The following HDGFL3 variants were observed in gnomAD, a reference collection of about 807,000 sequenced individuals.
The protein encoded by HDGFL3 is HDGF like 3.
A neutral mutation model predicts 27.6 loss-of-function variants in HDGFL3; 6 were observed. That is an observed-to-expected ratio of 0.22 (90% CI 0.12 to 0.43). The LOEUF (loss-of-function observed/expected upper bound fraction) is 0.43. HDGFL3 is among the 20% of genes least tolerant of loss of function. The probability of loss-of-function intolerance (pLI) is 1.00; values close to 1 mark genes in which losing one functional copy is unlikely to be tolerated. For synonymous variants in HDGFL3, 88 were observed against 88.9 expected (o/e 0.99, Z 0.05); for missense variants, 207 against 250.1 (o/e 0.83, Z 1.16).
chr15:83,161,823 T>A (rs1006283855), intron 2 of HDGFL3, among the ~76,000 whole-genome samples: 2 of 152,210 alleles, frequency 1.3e-5, no homozygotes, highest in African/African-American at 4.8e-5. Flanking sequence ...TGTTTTAAAA[T>A]TTTTTAAGCA....
chr15:83,120,291 C>A (rs932327306), intron 3 of HDGFL3, among the ~76,000 whole-genome samples: 1 of 152,216 alleles, frequency 6.6e-6, no homozygotes, highest in Admixed American at 6.5e-5. Context: ...ACCCCAACCA[C>A]AGGAGCTTCT....
intron 1 of HDGFL3, among the ~76,000 whole-genome samples, chr15:83,184,066 T>G (rs1389835704): frequency 6.6e-6 from 1 of 152,190 alleles, no homozygotes; most frequent in Non-Finnish European, 1.5e-5. Context: ...AAAGCTAAAT[T>G]CAGATACATG....
chr15:83,139,873 A>G (rs944410128), intron 5 of HDGFL3, among the ~76,000 whole-genome samples: 2 of 152,218 alleles, frequency 1.3e-5, no homozygotes, highest in African/African-American at 2.4e-5. Flanking sequence ...AACAGAAAAT[A>G]AAACATTTGT....
At chr15:83,187,340 T>TG (rs1555455528) in intron 1 of HDGFL3, among the ~76,000 whole-genome samples, 8 of 151,528 alleles carry the variant, frequency 5.3e-5, no homozygotes, top group Admixed American at 3.3e-4. Flanking sequence ...AGTTTTTTTT[T>TG]TGTGTGTGTG....
chr15:83,126,306 C>T (rs1440373130), downstream of HDGFL3, among the ~76,000 whole-genome samples: 1 of 152,144 alleles, frequency 6.6e-6, no homozygotes, highest in African/African-American at 2.4e-5. Context: ...TCTTTTACTG[C>T]CTCCAAAGGC....
intron 5 of HDGFL3, among the ~76,000 whole-genome samples, chr15:83,150,935 A>G (rs558962946): frequency 6.6e-6 from 1 of 152,340 alleles, no homozygotes; most frequent in Non-Finnish European, 1.5e-5. Flanking sequence ...TAATTTCAGT[A>G]TTTCACATTG....
At chr15:83,171,655 C>T (rs2037247672) in intron 1 of HDGFL3, among the ~76,000 whole-genome samples, 1 of 151,984 alleles carries the variant, frequency 6.6e-6, no homozygotes, top group South Asian at 2.1e-4. Context: ...AACAAAATAC[C>T]GCATGTTCTT....
intron 1 of HDGFL3, among the ~76,000 whole-genome samples, chr15:83,165,794 C>CAAAAAAA (rs57873221): frequency 0.01 from 145 of 13,814 alleles, no homozygotes; most frequent in Non-Finnish European, 0.018. Flanking sequence ...GAATCCATCT[C>CAAAAAAA]AAAAAAAAAA....
chr15:83,197,329 A>T (rs2037583284), intron 1 of HDGFL3, among the ~76,000 whole-genome samples: 2 of 152,214 alleles, frequency 1.3e-5, no homozygotes, highest in African/African-American at 4.8e-5. Flanking sequence ...TACATATTTT[A>T]TGTGAGTCAG....
At position 83,136,683 on chromosome 15, in the gene HDGFL3, T is replaced by C; in HGVS notation, c.*2587A>G. On this transcript the variant is annotated 3_prime_UTR_variant, in exon 6 of 6. Coordinates refer to ENST00000299633, the MANE Select transcript of HDGFL3 (RefSeq NM_016073.4). Reference sequence around the variant, plus strand: ...GAAAAAGTGGAATAAAAATATTACTTCATGTTCCTCCTTTCTAAATTACTA... The same window carrying C: ...GAAAAAGTGGAATAAAAATATTACTCCATGTTCCTCCTTTCTAAATTACTA... 1 of 1,583,692 alleles carries C rather than the reference T, an allele frequency of 6.3e-7. No individual in the cohort carries two copies. The highest frequency in any genetic ancestry group is 8.6e-7 in the Non-Finnish European group (1 of 1,168,744).
intron 2 of HDGFL3, among the ~76,000 whole-genome samples, chr15:83,158,448 T>TA (rs2037059516): frequency 6.6e-6 from 1 of 152,010 alleles, no homozygotes; most frequent in Admixed American, 6.5e-5. Flanking sequence ...AATGCTAGAA[T>TA]AAAAAAAAGA....
chr15:83,124,728 G>T (rs762870264), downstream of HDGFL3: 3 of 1,613,934 alleles, frequency 1.9e-6, no homozygotes, highest in African/African-American at 4.0e-5. Flanking sequence ...ATTTAATGTT[G>T]GTTGTGTGTC....
In HDGFL3 at chr15:83,207,475, C is replaced by T. The variant is rs1165519000; in HGVS notation, c.-61G>A. On this transcript the variant is annotated 5_prime_UTR_variant, in exon 1 of 6. Transcript: ENST00000299633. The surrounding 1 kb of genome is among the most constrained non-coding windows in gnomAD (Gnocchi z 4.8). ...CGCGAAGATGCCGGGAGGCCGCCCCCCCGCGGGCCGACGAATTGCGCCGCG... is the reference window on the plus strand; with the variant it reads ...CGCGAAGATGCCGGGAGGCCGCCCCTCCGCGGGCCGACGAATTGCGCCGCG... 4.1e-6 allele frequency: 5 copies of T among 1,211,218 alleles called. No homozygotes were observed. Among genetic ancestry groups the T allele is most frequent in the African/African-American group, 1.6e-5 (1 of 63,404 alleles). The allele number at this position is 1,211,218 out of a possible 1,614,324, so 75.0% of individuals were successfully genotyped here. A position where few individuals can be genotyped will look rare whatever the true frequency, so the allele number is the denominator to read the frequency against.
At position 83,131,065 on chromosome 15, in the gene HDGFL3, C is replaced by T. The variant is rs564961815; in HGVS notation, c.*8205G>A. 6.6e-6 allele frequency: 1 copy of T among 152,030 alleles called. No homozygotes were observed. Among genetic ancestry groups the T allele is most frequent in the East Asian group, 1.9e-4 (1 of 5,152 alleles). 9.4% of individuals were successfully genotyped at this position (152,030 alleles called of 1,614,324 possible). A position where few individuals can be genotyped will look rare whatever the true frequency, so the allele number is the denominator to read the frequency against. Reference sequence around the variant, plus strand: ...AGACTGTGTCACTGCACTCTCCAGCCCAGGTGACAGAGAGAGACCCTGTCT... The same window carrying T: ...AGACTGTGTCACTGCACTCTCCAGCTCAGGTGACAGAGAGAGACCCTGTCT... On this transcript the variant is annotated 3_prime_UTR_variant, in exon 6 of 6. Coordinates refer to ENST00000299633, the MANE Select transcript of HDGFL3 (RefSeq NM_016073.4).
chr15:83,112,759 T>A (rs748296919), exon 4 of HDGFL3: 15 of 1,456,586 alleles, frequency 1.0e-5, no homozygotes, highest in Non-Finnish European at 1.4e-5. Flanking sequence ...AATGTGTTTA[T>A]TTTGATAGTG....
Position 83,163,983 on chromosome 15 carries a change from A to G in HDGFL3, c.161+16T>C, listed in dbSNP as rs1436258347. 1 of 1,593,346 alleles carries G rather than the reference A, an allele frequency of 6.3e-7. No homozygotes were observed. The highest frequency in any genetic ancestry group is 1.7e-5 in the Admixed American group (1 of 59,754). ...GAGTCAAGCTAGAGCTGTTGAAACT[A>G]TTTTTGCTAACTTACGTTTCATGGG... On this transcript the variant is annotated intron_variant, in intron 2 of 5. Transcript: ENST00000299633.
In HDGFL3 at chr15:83,135,836, A is replaced by G. The variant is rs2036572806; in HGVS notation, c.*3434T>C. ...AGCAACCGTACTCCTACCTCCACCC[A>G]AGTTGGTAACAACCTTATCTTACAA... is the stretch of plus-strand genomic sequence containing the variant. On this transcript the variant is annotated 3_prime_UTR_variant, in exon 6 of 6. Transcript: ENST00000299633. 6.6e-6 allele frequency: 1 copy of G among 152,186 alleles called. No individual in the cohort carries two copies. Among genetic ancestry groups the G allele is most frequent in the Non-Finnish European group, 1.5e-5 (1 of 68,026 alleles). The allele number at this position is 152,186 out of a possible 1,614,324, so 9.4% of individuals were successfully genotyped here. A position where few individuals can be genotyped will look rare whatever the true frequency, so the allele number is the denominator to read the frequency against.
At chr15:83,120,587 C>CTTTTT (rs993490763) in intron 3 of HDGFL3, among the ~76,000 whole-genome samples, 2 of 125,938 alleles carry the variant, frequency 1.6e-5, no homozygotes, top group African/African-American at 2.9e-5. Flanking sequence ...CCAGCTAATT[C>CTTTTT]TTTTTTTTTT....
At chr15:83,176,211 G>C in intron 1 of HDGFL3, among the ~76,000 whole-genome samples, 1 of 152,184 alleles carries the variant, frequency 6.6e-6, no homozygotes, top group Non-Finnish European at 1.5e-5. Flanking sequence ...CTGTACTTGA[G>C]AAAGCCTTTA....
Sources: allele counts gnomAD v4.1 joint callset (sites outside exome capture counted in the v4.1 genomes callset), GRCh38; gene constraint gnomAD v4.1.1; non-coding constraint Gnocchi (gnomAD v3.1); transcripts MANE v1.5; gene names NCBI Gene and HGNC (gene_info 2026-07-23, HGNC 2026-07-21).